Variants in CTNNA2 observed in about 807,000 individuals in gnomAD.
CTNNA2 encodes the protein catenin alpha-2.
In CTNNA2, 42 loss-of-function variants were observed where a neutral mutation model predicts 101.0. The ratio of observed to expected loss-of-function variants is 0.42; its 90% CI spans 0.32 to 0.54. The LOEUF (loss-of-function observed/expected upper bound fraction) is 0.54. Ranked by LOEUF, CTNNA2 falls within the 20% of genes least tolerant of loss-of-function variation. The probability of loss-of-function intolerance (pLI) is 0.14; values close to 1 mark genes in which losing one functional copy is unlikely to be tolerated. For synonymous variants in CTNNA2, 450 were observed against 456.4 expected, an observed-to-expected ratio of 0.99 and a Z score of 0.18; for missense variants, 871 against 1,223.1, an observed-to-expected ratio of 0.71 and a Z score of 4.29.
intron 4 of CTNNA2, among the ~76,000 whole-genome samples, chr2:79,398,278 C>T (rs1270669096): frequency 1.3e-5 from 2 of 152,040 alleles, no homozygotes; most frequent in Non-Finnish European, 2.9e-5. Flanking sequence ...GTCTGTATGC[C>T]TTTTCCTAGC....
chr2:79,822,005 A>T (rs1678050683), intron 3 of CTNNA2, among the ~76,000 whole-genome samples: 1 of 152,190 alleles, frequency 6.6e-6, no homozygotes. Flanking sequence ...TTTCAGTTAT[A>T]CTTTATTCAC....
intron 6 of CTNNA2, among the ~76,000 whole-genome samples, chr2:79,905,497 G>T (rs563081054): frequency 6.6e-6 from 1 of 152,194 alleles, no homozygotes; most frequent in Non-Finnish European, 1.5e-5. Flanking sequence ...CTTTTGCTGC[G>T]AAGGGAGAGA....
At chr2:80,585,169 A>AT (rs1021571483) in intron 14 of CTNNA2, among the ~76,000 whole-genome samples, 40 of 152,056 alleles carry the variant, frequency 2.6e-4, no homozygotes, top group African/African-American at 9.4e-4. Context: ...GTTAAAAATC[A>AT]TTTTTTTCTC....
In CTNNA2 at chr2:80,438,283, C is replaced by T. The variant is rs116694751; in HGVS notation, c.1290+18682C>T. Among the ~76,000 whole-genome samples the T allele has an allele frequency of 6.6e-3, 1,001 of 152,236 alleles. 13 individuals are homozygous for T. Among genetic ancestry groups the T allele is most frequent in the African/African-American group, 0.022 (928 of 41,558 alleles). Reference sequence around the variant, plus strand: ...GGATTAGGGCCCATCCTCATAGCTCCTTTGAACTTAATCACCTGTTTAAAG... The same window carrying T: ...GGATTAGGGCCCATCCTCATAGCTCTTTTGAACTTAATCACCTGTTTAAAG... On this transcript the variant is annotated intron_variant, in intron 9 of 18. Transcript: ENST00000402739.
intron 2 of CTNNA2, among the ~76,000 whole-genome samples, chr2:79,734,059 T>C (rs551353220): frequency 8.5e-5 from 13 of 152,274 alleles, no homozygotes; most frequent in African/African-American, 3.1e-4. Flanking sequence ...TGCAAAATAG[T>C]GATTCATCAA....
intron 1 of CTNNA2, among the ~76,000 whole-genome samples, chr2:79,634,323 T>G (rs941016425): frequency 1.3e-5 from 2 of 152,214 alleles, no homozygotes; most frequent in Non-Finnish European, 2.9e-5. Context: ...AAGCTGTCAG[T>G]ACTGGGGTTG....
intron 12 of CTNNA2, among the ~76,000 whole-genome samples, chr2:80,567,487 T>G (rs769721388): frequency 6.6e-6 from 1 of 152,184 alleles, no homozygotes; most frequent in African/African-American, 2.4e-5. Context: ...TGGGCAACTT[T>G]AGGGCCCCAG....
intron 2 of CTNNA2, among the ~76,000 whole-genome samples, chr2:79,216,095 A>G (rs1044263450): frequency 1.3e-5 from 2 of 152,178 alleles, no homozygotes; most frequent in African/African-American, 4.8e-5. Flanking sequence ...TTTTACGACA[A>G]GAATTATTTA....
intron 15 of CTNNA2, 121 bp from the exon 16 acceptor site, chr2:80,603,953 C>T (rs1035983394): frequency 2.9e-5 from 19 of 656,760 alleles, no homozygotes; most frequent in Admixed American, 9.6e-5. Flanking sequence ...ATTCAAAATT[C>T]GACTAATGTG....
At chr2:80,343,523 T>C (rs564967028) in intron 7 of CTNNA2, among the ~76,000 whole-genome samples, 5 of 152,264 alleles carry the variant, frequency 3.3e-5, no homozygotes, top group East Asian at 1.9e-4. Flanking sequence ...TTTTGTGTCA[T>C]TTACTTCTGT....
At chr2:79,704,706 G>A (rs531877192) in intron 2 of CTNNA2, among the ~76,000 whole-genome samples, 176 of 151,802 alleles carry the variant, frequency 1.2e-3, no homozygotes, top group Non-Finnish European at 1.3e-3. Context: ...GTAGAGACGG[G>A]GTTTCACCGT....
intron 7 of CTNNA2, among the ~76,000 whole-genome samples, chr2:80,135,156 GGATTA>G (rs1050621833): frequency 2.0e-5 from 3 of 152,290 alleles, no homozygotes; most frequent in African/African-American, 7.2e-5. Flanking sequence ...TCTGGTGTGG[GGATTA>G]GGCTTGGGTG....
intron 17 of CTNNA2, 88 bp from the exon 18 acceptor site, chr2:80,618,997 C>T: frequency 2.3e-6 from 2 of 885,514 alleles, no homozygotes; most frequent in Non-Finnish European, 3.2e-6. Context: ...CTCTTCCACT[C>T]CCTAATCCCT....
chr2:79,654,543 C>A lies in CTNNA2; in HGVS notation c.102+2885C>A, dbSNP rs928751496. On this transcript the variant is annotated intron_variant, in intron 2 of 18. Transcript: ENST00000402739. Reference sequence around the variant, plus strand: ...CCTTCGATGAATCTTAACTCTACTCCTTCTCTCTTATGAAGAAGATCCTTG... The same window carrying A: ...CCTTCGATGAATCTTAACTCTACTCATTCTCTCTTATGAAGAAGATCCTTG... 2.6e-4 allele frequency among the ~76,000 whole-genome samples: 40 copies of A among 152,126 alleles called. 1 individual carries two copies. Among genetic ancestry groups the A allele is most frequent in the Non-Finnish European group, 1.5e-5 (1 of 68,020 alleles).
chr2:79,327,432 G>A lies in CTNNA2; in HGVS notation c.-318+14636G>A, dbSNP rs928107137. The stretch of plus-strand genomic sequence containing the variant: ...CAATTCATATTTGCTCAGGAATACA[G>A]GATTGAGCCTGAATACTGGTCTTCA... On this transcript the variant is annotated intron_variant, in intron 3 of 21. Coordinates refer to the CTNNA2 transcript ENST00000466387. Among the ~76,000 whole-genome samples the A allele has an allele frequency of 1.3e-5, 2 of 152,166 alleles. 1 individual carries two copies. Among genetic ancestry groups the A allele is most frequent in the South Asian group, 4.1e-4 (2 of 4,832 alleles).
intron 7 of CTNNA2, among the ~76,000 whole-genome samples, chr2:79,965,141 T>C (rs1031137184): frequency 6.6e-6 from 1 of 152,196 alleles, no homozygotes; most frequent in African/African-American, 2.4e-5. Flanking sequence ...CTGTTCAGGA[T>C]TTTATGGCAT....
At chr2:80,085,206 A>G (rs2148811348) in intron 7 of CTNNA2, among the ~76,000 whole-genome samples, 1 of 152,208 alleles carries the variant, frequency 6.6e-6, no homozygotes, top group African/African-American at 2.4e-5. Flanking sequence ...TTGGTTGGTA[A>G]GGGCTCTGCT....
intron 1 of CTNNA2, among the ~76,000 whole-genome samples, chr2:79,630,811 G>A (rs1452136443): frequency 6.6e-6 from 1 of 151,264 alleles, no homozygotes; most frequent in Admixed American, 6.6e-5. Flanking sequence ...TGCTATATGG[G>A]TGGGCCTACA....
chr2:80,209,636 G>A (rs540804698), intron 7 of CTNNA2, among the ~76,000 whole-genome samples: 44 of 151,070 alleles, frequency 2.9e-4, no homozygotes, highest in African/African-American at 8.3e-4. Flanking sequence ...CACACCACAC[G>A]CACACACATA....
Sources: gnomAD v4.1 joint callset for allele counts (sites outside exome capture counted in the v4.1 genomes callset) on GRCh38, gnomAD v4.1.1 for gene constraint, MANE v1.5 for transcripts, NCBI Gene and HGNC (gene_info 2026-07-23, HGNC 2026-07-21) for gene names.